Variants in CTNND2 observed in about 807,000 individuals in gnomAD.
The protein encoded by CTNND2 is catenin delta 2.
Under a neutral mutation model 144.4 loss-of-function variants are expected in CTNND2, and 22 were observed. That is an observed-to-expected ratio of 0.15 (90% confidence interval 0.11 to 0.22). CTNND2 has a LOEUF of 0.22. Among genes scored for constraint, CTNND2 ranks in the 10% least tolerant of loss-of-function variants. CTNND2 has a pLI of 1.00. For missense variants in CTNND2, 1,353 were observed against 1,618.8 expected (o/e 0.84, Z 2.82); for synonymous variants, 751 against 695.6 (o/e 1.08, Z -1.25).
intron 2 of CTNND2, among the ~76,000 whole-genome samples, chr5:11,721,383 T>C (rs1260151904): frequency 6.6e-6 from 1 of 151,906 alleles, no homozygotes; most frequent in African/African-American, 2.4e-5. Context: ...TGTTTTTTTT[T>C]AAATTCACCC....
chr5:11,317,196 T>G (rs1453021264), intron 9 of CTNND2, among the ~76,000 whole-genome samples: 7 of 152,158 alleles, frequency 4.6e-5, no homozygotes, highest in Admixed American at 6.5e-5. Flanking sequence ...GTTAAGAAAC[T>G]GAGGCTCAAT....
At chr5:11,797,797 T>C (rs572954346) in intron 1 of CTNND2, among the ~76,000 whole-genome samples, 8 of 152,358 alleles carry the variant, frequency 5.3e-5, no homozygotes, top group South Asian at 2.1e-4. Flanking sequence ...TCTAAATTTG[T>C]AGTATAGTTG....
At chr5:11,383,054 A>G (rs1164218423) in intron 7 of CTNND2, among the ~76,000 whole-genome samples, 1 of 152,188 alleles carries the variant, frequency 6.6e-6, no homozygotes, top group Non-Finnish European at 1.5e-5. Context: ...CCACAGGTAT[A>G]TTCAGCCATG....
chr5:11,515,827 T>C (rs1422324406), intron 3 of CTNND2, among the ~76,000 whole-genome samples: 1 of 152,182 alleles, frequency 6.6e-6, no homozygotes, highest in Non-Finnish European at 1.5e-5. Context: ...TTGTTAATAG[T>C]TCAATTCAGT....
At chr5:11,096,247 A>C (rs1291027685) in intron 15 of CTNND2, among the ~76,000 whole-genome samples, 1 of 152,164 alleles carries the variant, frequency 6.6e-6, no homozygotes, top group Non-Finnish European at 1.5e-5. Context: ...TACACATACC[A>C]TGGTGGTTTG....
At chr5:11,671,907 T>C (rs932911247) in intron 2 of CTNND2, among the ~76,000 whole-genome samples, 3 of 152,194 alleles carry the variant, frequency 2.0e-5, no homozygotes, top group African/African-American at 4.8e-5. Flanking sequence ...TCTCCCCATG[T>C]TCGTGGATTT....
chr5:11,849,662 C>T (rs1794922265), intron 1 of CTNND2, among the ~76,000 whole-genome samples: 1 of 152,166 alleles, frequency 6.6e-6, no homozygotes, highest in South Asian at 2.1e-4. Flanking sequence ...AACAAAGTGG[C>T]TGTTAAACAC....
intron 13 of CTNND2, among the ~76,000 whole-genome samples, chr5:11,116,127 G>C (rs1467451796): frequency 6.6e-6 from 1 of 152,184 alleles, no homozygotes; most frequent in African/African-American, 2.4e-5. Flanking sequence ...GTTGGGTTAG[G>C]AGGACTGCAA....
chr5:11,551,432 CTTTT>C (rs70949326), intron 3 of CTNND2, among the ~76,000 whole-genome samples: 4 of 100,916 alleles, frequency 4.0e-5, no homozygotes, highest in African/African-American at 1.1e-4. Flanking sequence ...TTTCTTTTTT[CTTTT>C]TTTTTTTTTT....
chr5:11,837,801 G>A (rs1794259141), intron 1 of CTNND2, among the ~76,000 whole-genome samples: 1 of 152,136 alleles, frequency 6.6e-6, no homozygotes. Context: ...AGAGGGAGAT[G>A]ATAATGTGCA....
At chr5:11,312,085 A>C in intron 9 of CTNND2, among the ~76,000 whole-genome samples, 1 of 95,616 alleles carries the variant, frequency 1.0e-5, no homozygotes, top group African/African-American at 3.8e-5. Flanking sequence ...ATTCATAAAC[A>C]CTCCCCATAC....
intron 14 of CTNND2, among the ~76,000 whole-genome samples, chr5:11,108,183 TGAGTGGGGAAAGGGAGGGCCAGGCAGTG>T (rs544566255): frequency 6.6e-6 from 1 of 152,104 alleles, no homozygotes; most frequent in Admixed American, 6.5e-5. Context: ...CTCCAAGTAG[TGAGTGGGGAAAGGGAGGGCCAGGCAGTG>T]GAACAGCATG....
intron 3 of CTNND2, among the ~76,000 whole-genome samples, chr5:11,416,641 GATT>G (rs1761958271): frequency 6.6e-6 from 1 of 152,108 alleles, no homozygotes; most frequent in Non-Finnish European, 1.5e-5. Flanking sequence ...AATAAACATG[GATT>G]ATGCCTGGGT....
chr5:11,035,090 T>G (rs1408168418), intron 16 of CTNND2, among the ~76,000 whole-genome samples: 4 of 148,366 alleles, frequency 2.7e-5, no homozygotes, highest in African/African-American at 9.9e-5. Flanking sequence ...TTCTCATTGT[T>G]CAATTCCCAC....
At chr5:11,798,248 T>A (rs1791502604) in intron 1 of CTNND2, among the ~76,000 whole-genome samples, 1 of 139,902 alleles carries the variant, frequency 7.1e-6, no homozygotes. Context: ...GGTGACAGAG[T>A]GAGACTGTTT....
chr5:11,552,606 T>C (rs116112650), intron 3 of CTNND2, among the ~76,000 whole-genome samples: 2 of 152,116 alleles, frequency 1.3e-5, no homozygotes, highest in Non-Finnish European at 2.9e-5. Flanking sequence ...GATACAGAAA[T>C]CCAAATGACT....
At chr5:11,320,931 C>T (rs1361628447) in intron 9 of CTNND2, among the ~76,000 whole-genome samples, 3 of 152,168 alleles carry the variant, frequency 2.0e-5, no homozygotes, top group Non-Finnish European at 2.9e-5. Context: ...CAGAATTTAA[C>T]ATAGCTTTAC....
intron 2 of CTNND2, among the ~76,000 whole-genome samples, chr5:11,570,288 C>T (rs1330809559): frequency 6.6e-6 from 1 of 152,154 alleles, no homozygotes; most frequent in Non-Finnish European, 1.5e-5. Flanking sequence ...TCTCCATCTT[C>T]AGGCGGGAGA....
chr5:11,745,108 A>G (rs1788237158), intron 1 of CTNND2, among the ~76,000 whole-genome samples: 1 of 152,192 alleles, frequency 6.6e-6, no homozygotes, highest in African/African-American at 2.4e-5. Flanking sequence ...TTCAGGAAAT[A>G]ACCTATATAT....
Sources: gnomAD v4.1 joint callset for allele counts (sites outside exome capture counted in the v4.1 genomes callset) on GRCh38, gnomAD v4.1.1 for gene constraint, MANE v1.5 for transcripts, NCBI Gene and HGNC (gene_info 2026-07-23, HGNC 2026-07-21) for gene names.